The following SLC16A2 variants were observed in gnomAD, a reference collection of about 807,000 sequenced individuals.
The protein encoded by SLC16A2 is solute carrier family 16 member 2, also known as monocarboxylate transporter 8.
Under a neutral mutation model 27.2 loss-of-function variants are expected in SLC16A2, and 3 were observed. The observed-to-expected ratio is 0.11, with a 90% CI of 0.05 to 0.28. The LOEUF is 0.28. Ranked by LOEUF, SLC16A2 falls within the 10% of genes least tolerant of loss-of-function variation. The pLI is 1.00. For synonymous variants in SLC16A2, 202 were observed against 187.8 expected, an observed-to-expected ratio of 1.08 and a Z score of -0.62; for missense variants, 295 against 458.5, an observed-to-expected ratio of 0.64 and a Z score of 3.26.
intron 2 of SLC16A2, among the ~76,000 whole-genome samples, chrX:74,523,017 C>A (rs1930432035): frequency 2.9e-5 from 1 of 34,046 alleles, no homozygotes; most frequent in Non-Finnish European, 1.1e-4. Flanking sequence ...AGAAGTAGAT[C>A]CACCACATGG....
chrX:74,440,799 A>AGG lies in SLC16A2; in HGVS notation c.430+18734_430+18735dup, dbSNP rs1321055761. Among the ~76,000 whole-genome samples, 27 of 80,442 alleles carry AGG rather than the reference A, an allele frequency of 3.4e-4. 1 individual carries two copies. The East Asian group carries it at 0.029, about 86-fold the overall frequency. The allele number at this position is 80,442 out of a possible 115,157, so 69.9% of individuals were successfully genotyped here. On this transcript the variant is annotated intron_variant, in intron 1 of 5. Coordinates refer to ENST00000587091, the MANE Select transcript of SLC16A2 (RefSeq NM_006517.5). ...AACACGGATGTGGTAAGAATAAATGAGGGTGTGTGTGTGTGTGTGTGTGCA... is the reference window on the plus strand; with the variant it reads ...AACACGGATGTGGTAAGAATAAATGAGGGGGTGTGTGTGTGTGTGTGTGTGCA...
At chrX:74,431,834 AAC>A (rs1478096657) in intron 1 of SLC16A2, among the ~76,000 whole-genome samples, 1 of 111,233 alleles carries the variant, frequency 9.0e-6, no homozygotes, top group African/African-American at 3.3e-5. Flanking sequence ...AGCCTCTAAA[AAC>A]AGAGTCCCTA....
chrX:74,474,463 T>A (rs924181458), intron 1 of SLC16A2, among the ~76,000 whole-genome samples: 2 of 104,298 alleles, frequency 1.9e-5, no homozygotes, highest in Non-Finnish European at 3.9e-5. Context: ...CAGGTTTTTT[T>A]GCAGATTCCT....
intron 1 of SLC16A2, among the ~76,000 whole-genome samples, chrX:74,492,815 C>T (rs187010939): frequency 7.0e-4 from 78 of 111,322 alleles, no homozygotes; most frequent in African/African-American, 2.3e-3. Context: ...TTCTTTCCCT[C>T]CCCCTTTTAG....
chrX:74,515,116 G>A (rs1231533974), intron 1 of SLC16A2, among the ~76,000 whole-genome samples: 1 of 111,665 alleles, frequency 9.0e-6, no homozygotes, highest in Non-Finnish European at 1.9e-5. Context: ...TTTTAAAGCA[G>A]CCAACAAAAA....
At chrX:74,423,874 G>A (rs1167358810) in intron 1 of SLC16A2, among the ~76,000 whole-genome samples, 2 of 111,708 alleles carry the variant, frequency 1.8e-5, no homozygotes, top group Non-Finnish European at 3.8e-5. Context: ...TTGATGAGAA[G>A]CAGTAGAGGC....
chrX:74,446,171 G>T (rs1928833962), intron 1 of SLC16A2, among the ~76,000 whole-genome samples: 1 of 110,618 alleles, frequency 9.0e-6, no homozygotes, highest in Non-Finnish European at 1.9e-5. Flanking sequence ...TGAGCTCCAG[G>T]GTAGAGCCAC....
At chrX:74,488,516 T>G (rs1929764100) in intron 1 of SLC16A2, among the ~76,000 whole-genome samples, 1 of 112,100 alleles carries the variant, frequency 8.9e-6, no homozygotes, top group African/African-American at 3.2e-5. Context: ...TAGTTTTGTA[T>G]TAGTGTATAT....
intron 1 of SLC16A2, among the ~76,000 whole-genome samples, chrX:74,460,387 C>T (rs773005379): frequency 8.9e-6 from 1 of 111,880 alleles, no homozygotes; most frequent in Admixed American, 9.5e-5. Flanking sequence ...GAAGCTTCCA[C>T]CCAACCTTCC....
At chrX:74,515,255 T>G (rs1276400935) in intron 1 of SLC16A2, among the ~76,000 whole-genome samples, 1 of 107,049 alleles carries the variant, frequency 9.3e-6, no homozygotes, top group Non-Finnish European at 1.9e-5. Flanking sequence ...ATAACCAAAA[T>G]AAAATAAGCC....
intron 1 of SLC16A2, among the ~76,000 whole-genome samples, chrX:74,500,130 T>TAAATTA (rs1439194777): frequency 0.53 from 58,059 of 110,194 alleles, 13,396 homozygotes; most frequent in Non-Finnish European, 0.73. Flanking sequence ...CAAAACTGTC[T>TAAATTA]TGGGACACAA....
chrX:74,454,478 CA>C (rs1929004943), intron 1 of SLC16A2, among the ~76,000 whole-genome samples: 1 of 106,286 alleles, frequency 9.4e-6, no homozygotes, highest in Non-Finnish European at 1.9e-5. Context: ...ATCGCAAGGA[CA>C]AAAAACCAAA....
chrX:74,444,232 T>C (rs1329086906), intron 1 of SLC16A2, among the ~76,000 whole-genome samples: 1 of 111,891 alleles, frequency 8.9e-6, no homozygotes, highest in Non-Finnish European at 1.9e-5. Flanking sequence ...GCTCTCTGTA[T>C]TCCCTCTCCA....
At chrX:74,494,895 A>T (rs968408987) in intron 1 of SLC16A2, among the ~76,000 whole-genome samples, 2 of 111,171 alleles carry the variant, frequency 1.8e-5, no homozygotes, top group Non-Finnish European at 3.8e-5. Context: ...CTACCTCCAG[A>T]AAGGTGAGGG....
intron 1 of SLC16A2, among the ~76,000 whole-genome samples, chrX:74,424,921 C>T (rs1249025806): frequency 8.9e-6 from 1 of 111,968 alleles, no homozygotes; most frequent in Non-Finnish European, 1.9e-5. Flanking sequence ...TGCAGTGGCG[C>T]AGTCATATTT....
At chrX:74,506,925 ATTTATTTATTTATTTT>A (rs2147865032) in intron 1 of SLC16A2, among the ~76,000 whole-genome samples, 1 of 29,726 alleles carries the variant, frequency 3.4e-5, no homozygotes, top group South Asian at 1.6e-3. Flanking sequence ...TTATTTATTT[ATTTATTTATTTATTTT>A]TTTTTTTTTG....
intron 1 of SLC16A2, among the ~76,000 whole-genome samples, chrX:74,452,387 G>C (rs1217949461): frequency 8.9e-6 from 1 of 111,857 alleles, no homozygotes; most frequent in Non-Finnish European, 1.9e-5. Context: ...ACACAGAAGG[G>C]TGAAGGCCTA....
chrX:74,432,142 C>T (rs1928545017), intron 1 of SLC16A2, among the ~76,000 whole-genome samples: 1 of 111,363 alleles, frequency 9.0e-6, no homozygotes, highest in African/African-American at 3.3e-5. Context: ...GGAGTTGCTA[C>T]GGGTTGGGGG....
chrX:74,458,449 A>G (rs1484796073), intron 1 of SLC16A2, among the ~76,000 whole-genome samples: 2 of 111,380 alleles, frequency 1.8e-5, no homozygotes, highest in African/African-American at 6.5e-5. Context: ...CCTTGGTTCA[A>G]GCGATTCTCC....
Sources: gnomAD v4.1 joint callset for allele counts (sites outside exome capture counted in the v4.1 genomes callset) on GRCh38, gnomAD v4.1.1 for gene constraint, MANE v1.5 for transcripts, NCBI Gene and HGNC (gene_info 2026-07-23, HGNC 2026-07-21) for gene names.